TEAD3: variants seen among roughly 807,000 people sequenced by gnomAD.
TEAD3 encodes the protein transcriptional enhancer factor TEF-5.
In TEAD3, 15 loss-of-function variants were observed where a neutral mutation model predicts 55.6. The observed-to-expected ratio is 0.27, with a 90% CI of 0.18 to 0.42. The LOEUF (loss-of-function observed/expected upper bound fraction) is 0.42. Ranked by LOEUF, TEAD3 falls within the 10% of genes least tolerant of loss-of-function variation. The probability of loss-of-function intolerance (pLI) is 1.00; values close to 1 mark genes in which losing one functional copy is unlikely to be tolerated. For synonymous variants in TEAD3, 210 were observed against 232.2 expected (o/e 0.90, Z 0.87); for missense variants, 407 against 576.8 (o/e 0.71, Z 3.01).
rs547314397 is a variant in TEAD3, at chr6:35,486,603, G to A, written c.60C>T (p.Pro20=). The stretch of plus-strand genomic sequence containing the variant: ...TGTCCAGCCCCTTGTCCAGGCCCTC[G>A]GGCCCATCCTCCCGGGCCTCCCCGG... The change falls in exon 2 of 13, where the codon CCC becomes CCT. Residue 20 remains proline, a synonymous_variant. Coordinates refer to ENST00000639578, the Ensembl canonical transcript of TEAD3. The surrounding 1 kb of genome is among the most constrained non-coding windows in gnomAD (Gnocchi z 7.3). 2.5e-6 allele frequency: 4 copies of A among 1,613,356 alleles called. No homozygotes were observed. Among genetic ancestry groups the A allele is most frequent in the East Asian group, 4.5e-5 (2 of 44,866 alleles).
At chr6:35,489,248 A>G (rs1023851118) in intron 1 of TEAD3, among the ~76,000 whole-genome samples, 7 of 152,192 alleles carry the variant, frequency 4.6e-5, no homozygotes, top group Non-Finnish European at 7.3e-5. Flanking sequence ...GGCAGATACT[A>G]TTATTATTCC....
Position 35,491,150 on chromosome 6 carries a change from TG to T in TEAD3, c.-49-4440del, listed in dbSNP as rs1223312415. Among the ~76,000 whole-genome samples, 5 of 150,750 alleles carry T rather than the reference TG, an allele frequency of 3.3e-5. No individual in the cohort carries two copies. The highest frequency in any genetic ancestry group is 5.9e-5 in the Non-Finnish European group (4 of 67,742). On this transcript the variant is annotated intron_variant, in intron 1 of 12. Transcript: ENST00000639578. The surrounding 1 kb of genome is among the most constrained non-coding windows in gnomAD (Gnocchi z 4.4). ...GTGACAGACAGAAAGCCCAACCCAG[TG>T]GGGGACAGACCAGAGCCCCGCAGAG...
chr6:35,479,962 A>C, intron 4 of TEAD3: 1 of 1,100,674 alleles, frequency 9.1e-7, no homozygotes. Flanking sequence ...ACAGCTTCTC[A>C]GCCCCTTGCC....
At chr6:35,481,382 G>T (rs1052192564) in intron 3 of TEAD3, among the ~76,000 whole-genome samples, 1 of 152,088 alleles carries the variant, frequency 6.6e-6, no homozygotes, top group Non-Finnish European at 1.5e-5. Flanking sequence ...CTTTCTTTGC[G>T]AGTTGTTTTT....
At chr6:35,482,653 C>G (rs550299432) in intron 3 of TEAD3, among the ~76,000 whole-genome samples, 1 of 152,198 alleles carries the variant, frequency 6.6e-6, no homozygotes, top group Admixed American at 6.5e-5. Flanking sequence ...GGCTCGTGCC[C>G]GTAATCCTAG....
rs1334640530 is a variant in TEAD3 at position 35,475,195 on chromosome 6, G to A, written c.1195-38C>T. ...CAGGTAAGAGATTCAGGAGGTCAGG[G>A]AGAAAAGGGCCACGGGGCAGGGGGC... On this transcript the variant is annotated intron_variant, in intron 12 of 12. Coordinates refer to ENST00000639578, the Ensembl canonical transcript of TEAD3. The surrounding 1 kb of genome is among the most constrained non-coding windows in gnomAD (Gnocchi z 5.4). The A allele has an allele frequency of 3.2e-6, 5 of 1,568,992 alleles. No homozygotes were observed. The highest frequency in any genetic ancestry group is 1.4e-5 in the African/African-American group (1 of 73,780).
At chr6:35,480,092 G>A (rs74678482) in exon 4 of TEAD3, 35 of 1,537,768 alleles carry the variant, frequency 2.3e-5, no homozygotes, top group Admixed American at 2.0e-4. Context: ...CGAGATTTCC[G>A]CCTGGCTAGA....
In TEAD3 at chr6:35,488,588, G is replaced by C. The variant is rs1392261690; in HGVS notation, c.-49-1877C>G. Among the ~76,000 whole-genome samples, 3 of 152,082 alleles carry C rather than the reference G, an allele frequency of 2.0e-5. No individual in the cohort carries two copies. The highest frequency in any genetic ancestry group is 4.4e-5 in the Non-Finnish European group (3 of 68,022). On this transcript the variant is annotated intron_variant, in intron 1 of 12. Transcript: ENST00000639578. This position sits in a 1 kb window ranked among gnomAD's most constrained non-coding sequence, Gnocchi z 4.2. ...TTCCAGGTCCTGCTGCTTGAGTCGG[G>C]GTGGACTCTCTCTGCAGAGCCACCT...
chr6:35,481,826 C>G (rs1198343412), intron 3 of TEAD3, among the ~76,000 whole-genome samples: 1 of 152,216 alleles, frequency 6.6e-6, no homozygotes, highest in Non-Finnish European at 1.5e-5. Flanking sequence ...GCTCAGAAGA[C>G]TGCCTCCAGA....
intron 1 of TEAD3, among the ~76,000 whole-genome samples, chr6:35,490,919 ACT>A (rs1327363446): frequency 1.3e-5 from 2 of 150,404 alleles, no homozygotes; most frequent in Non-Finnish European, 3.0e-5. Flanking sequence ...GTATCTAGAA[ACT>A]CTGCCTCGCT....
Position 35,486,443 on chromosome 6 carries a change from G to T in TEAD3, c.202+18C>A. The T allele has an allele frequency of 1.9e-6, 3 of 1,602,254 alleles. No homozygotes were observed. Among genetic ancestry groups the T allele is most frequent in the Non-Finnish European group, 2.6e-6 (3 of 1,171,840 alleles). ...AGGGGGAAGGGCCGCAGTCCCGCCC[G>T]CGCCCCCCGGCACGCACCGTACATC... On this transcript the variant is annotated intron_variant, in intron 2 of 12. Coordinates refer to ENST00000639578, the Ensembl canonical transcript of TEAD3. The surrounding 1 kb of genome is among the most constrained non-coding windows in gnomAD (Gnocchi z 7.3).
rs1239348608 is a variant in TEAD3, at chr6:35,475,086, C to T, written c.1266G>A (p.Glu422=). ...TGTAGACATGGTGCTGGGCCCCGTG[C>T]TCACTGGTGGAGACTTCGAAGACAA... The change falls in exon 13 of 13, where the codon GAG becomes GAA. Residue 422 remains glutamate, a synonymous_variant. Coordinates refer to ENST00000639578, the Ensembl canonical transcript of TEAD3. This position sits in a 1 kb window ranked among gnomAD's most constrained non-coding sequence, Gnocchi z 5.4. 1.3e-6 allele frequency: 2 copies of T among 1,598,890 alleles called. No homozygotes were observed. The highest frequency in any genetic ancestry group is 8.5e-7 in the Non-Finnish European group (1 of 1,172,408).
chr6:35,475,894 A>G lies in TEAD3; in HGVS notation c.900+25T>C, dbSNP rs757955064. The G allele has an allele frequency of 3.5e-5, 53 of 1,513,616 alleles. No individual in the cohort carries two copies. Among genetic ancestry groups the G allele is most frequent in the Non-Finnish European group, 4.5e-5 (51 of 1,133,180 alleles). 93.8% of individuals were successfully genotyped at this position (1,513,616 alleles called of 1,614,324 possible). A position where few individuals can be genotyped will look rare whatever the true frequency, so the allele number is the denominator to read the frequency against. Reference sequence around the variant, plus strand: ...CTCTGGGGTGGGGAAGGGGGCTTGGAGCAGAGAAGGCCAGGGGGACTCACC... The same window carrying G: ...CTCTGGGGTGGGGAAGGGGGCTTGGGGCAGAGAAGGCCAGGGGGACTCACC... On this transcript the variant is annotated intron_variant, in intron 10 of 12. Transcript: ENST00000639578. The surrounding 1 kb of genome is among the most constrained non-coding windows in gnomAD (Gnocchi z 5.4).
At position 35,475,815 on chromosome 6, in the gene TEAD3, G is replaced by A; in HGVS notation, c.900+104C>T. 1 of 1,504,840 alleles carries A rather than the reference G, an allele frequency of 6.6e-7. No homozygotes were observed. The highest frequency in any genetic ancestry group is 2.3e-5 in the East Asian group (1 of 43,892). 93.2% of individuals were successfully genotyped at this position (1,504,840 alleles called of 1,614,324 possible). A position where few individuals can be genotyped will look rare whatever the true frequency, so the allele number is the denominator to read the frequency against. ...TCCATCTCTGGCACTCTGCCCACAA[G>A]CCATGAGGATGCAGCAGGGTCAGAG... is the stretch of plus-strand genomic sequence containing the variant. On this transcript the variant is annotated intron_variant, in intron 10 of 12. Coordinates refer to ENST00000639578, the Ensembl canonical transcript of TEAD3. The surrounding 1 kb of genome is among the most constrained non-coding windows in gnomAD (Gnocchi z 5.4).
intron 9 of TEAD3, 51 bp downstream of exon 9, chr6:35,476,251 C>T (rs1348630318): frequency 3.3e-5 from 52 of 1,585,492 alleles, no homozygotes; most frequent in Non-Finnish European, 4.0e-5. Context: ...ATCACCCGGC[C>T]GGCCTCTCCA....
In TEAD3 at chr6:35,491,356, G is replaced by A. The variant is rs1768515019; in HGVS notation, c.-49-4645C>T. On this transcript the variant is annotated intron_variant, in intron 1 of 12. Coordinates refer to ENST00000639578, the Ensembl canonical transcript of TEAD3. This position sits in a 1 kb window ranked among gnomAD's most constrained non-coding sequence, Gnocchi z 4.4. ...TAGAAAGAGACACACAGCAGAGAGGGGTAGACCAGAAACTCAGATATGATA... is the reference window on the plus strand; with the variant it reads ...TAGAAAGAGACACACAGCAGAGAGGAGTAGACCAGAAACTCAGATATGATA... Among the ~76,000 whole-genome samples the A allele has an allele frequency of 1.3e-5, 2 of 151,920 alleles. No homozygotes were observed. Among genetic ancestry groups the A allele is most frequent in the Non-Finnish European group, 2.9e-5 (2 of 67,978 alleles).
chr6:35,487,380 C>G (rs1768407722), intron 1 of TEAD3, among the ~76,000 whole-genome samples: 1 of 152,018 alleles, frequency 6.6e-6, no homozygotes, highest in African/African-American at 2.4e-5. Context: ...GGTGAAACCC[C>G]ATCTCTACTA....
intron 1 of TEAD3, among the ~76,000 whole-genome samples, chr6:35,487,872 C>G (rs1032131790): frequency 2.6e-5 from 4 of 152,188 alleles, no homozygotes; most frequent in African/African-American, 9.7e-5. Context: ...CTGAGGAGCA[C>G]AGAGAGGAGG....
At position 35,496,956 on chromosome 6, in the gene TEAD3, G is replaced by GC. The variant is rs1161527341; in HGVS notation, c.-109dup. On this transcript the variant is annotated 5_prime_UTR_variant, in exon 1 of 13. Transcript: ENST00000639578. The surrounding 1 kb of genome is among the most constrained non-coding windows in gnomAD (Gnocchi z 4.8). ...CCGCTCCGCCGGGCCCGAGGGAGCC[G>GC]CAAGGGGGGCCGGGGAAGGGGGGTC... 6.6e-6 allele frequency: 1 copy of GC among 151,532 alleles called. No individual in the cohort carries two copies. Among genetic ancestry groups the GC allele is most frequent in the Non-Finnish European group, 1.5e-5 (1 of 67,758 alleles). The allele number at this position is 151,532 out of a possible 1,614,324, so 9.4% of individuals were successfully genotyped here.
Sources: gnomAD v4.1 joint callset for allele counts (sites outside exome capture counted in the v4.1 genomes callset) on GRCh38, gnomAD v4.1.1 for gene constraint, Gnocchi (gnomAD v3.1) non-coding constraint, MANE v1.5 for transcripts, NCBI Gene and HGNC (gene_info 2026-07-23, HGNC 2026-07-21) for gene names.